ANKRD26: variants seen among roughly 807,000 people sequenced by gnomAD.
The protein encoded by ANKRD26 is ankyrin repeat domain-containing protein 26.
A neutral mutation model predicts 208.7 loss-of-function variants in ANKRD26; 141 were observed. The observed-to-expected ratio is 0.68, with a 90% CI of 0.59 to 0.78. The LOEUF (loss-of-function observed/expected upper bound fraction) is 0.78, where lower values mean the gene tolerates loss of function less well. ANKRD26 is among the 30% of genes least tolerant of loss of function. The pLI is 0.00. For missense variants in ANKRD26, 1,889 were observed against 1,938.7 expected (o/e 0.97, Z 0.48); for synonymous variants, 636 against 660.4 (o/e 0.96, Z 0.57).
chr10:27,050,982 T>C (rs2054634566), intron 16 of ANKRD26: 1 of 1,083,372 alleles, frequency 9.2e-7, no homozygotes, highest in Non-Finnish European at 1.2e-6. Context: ...ACATGAGCTC[T>C]TCATAAGCAG....
At chr10:27,028,194 G>A (rs1212878934) in intron 27 of ANKRD26, among the ~76,000 whole-genome samples, 2 of 152,176 alleles carry the variant, frequency 1.3e-5, no homozygotes, top group African/African-American at 2.4e-5. Context: ...AAACTCTTGA[G>A]TGTGGACAGG....
At chr10:26,952,087 G>A in the ANKRD26 span, among the ~76,000 whole-genome samples, 8 of 152,160 alleles carry the variant, frequency 5.3e-5, no homozygotes, top group Non-Finnish European at 1.0e-4. Flanking sequence ...CCAGATAGCA[G>A]CCTCTTCTTT....
chr10:27,001,824 C>T (rs370467843), downstream of ANKRD26, among the ~76,000 whole-genome samples: 11 of 152,162 alleles, frequency 7.2e-5, no homozygotes, highest in Admixed American at 5.2e-4. Flanking sequence ...CTCGATTTTT[C>T]AGGCTGCTCC....
intron 1 of ANKRD26, among the ~76,000 whole-genome samples, chr10:27,094,857 A>G (rs1408968166): frequency 1.3e-5 from 2 of 152,136 alleles, no homozygotes; most frequent in African/African-American, 4.8e-5. Flanking sequence ...AAAAGTAGCC[A>G]GGCATGGTGG....
chr10:27,022,700 A>G lies in ANKRD26; in HGVS notation c.4086-13T>C. 6.3e-7 allele frequency: 1 copy of G among 1,576,666 alleles called. No homozygotes were observed. Among genetic ancestry groups the G allele is most frequent in the Non-Finnish European group, 8.7e-7 (1 of 1,154,312 alleles). ...GAGGTTCTTAAATCTGCAGGAAGGTACAAAATGAGTAACTCAAGTTTTAAA... is the reference window on the plus strand; with the variant it reads ...GAGGTTCTTAAATCTGCAGGAAGGTGCAAAATGAGTAACTCAAGTTTTAAA... On this transcript the variant is annotated splice_polypyrimidine_tract_variant and intron_variant, in intron 28 of 33. Coordinates refer to ENST00000376087, the MANE Select transcript of ANKRD26 (RefSeq NM_014915.3).
chr10:27,035,174 CAA>C lies in ANKRD26; in HGVS notation c.3274_3275del (p.Leu1092GlyfsTer26). The C allele has an allele frequency of 6.2e-7, 1 of 1,613,980 alleles. No homozygotes were observed. Among genetic ancestry groups the C allele is most frequent in the Non-Finnish European group, 8.5e-7 (1 of 1,179,930 alleles). ...GGTCCTTTTGTACCCGTTCTAAACC[CAA>C]AGTCTTTTCTCTGAGGGCATCTCTC... ...HTRDALREKT[L>X]GLERVQKDLS... is the part of the protein sequence containing the mutation. On this transcript the variant is annotated frameshift_variant, in exon 24 of 34. Coordinates refer to ENST00000376087, the MANE Select transcript of ANKRD26 (RefSeq NM_014915.3). LOFTEE classifies it high-confidence loss of function.
downstream of ANKRD26, among the ~76,000 whole-genome samples, chr10:27,001,037 A>G (rs2052712468): frequency 6.6e-6 from 1 of 152,174 alleles, no homozygotes; most frequent in Admixed American, 6.5e-5. Flanking sequence ...AACAAAAGAC[A>G]GAATAACTCA....
At chr10:27,051,118 C>G in intron 16 of ANKRD26, 1 of 1,289,662 alleles carries the variant, frequency 7.8e-7, no homozygotes, top group Non-Finnish European at 1.0e-6. Flanking sequence ...TTTAACATGC[C>G]TATCTCATTT....
chr10:26,952,213 C>T, the ANKRD26 span, among the ~76,000 whole-genome samples: 4 of 152,000 alleles, frequency 2.6e-5, no homozygotes, highest in East Asian at 3.9e-4. Context: ...CCCCCATTGA[C>T]GCTGCCTCCT....
At chr10:27,031,775 T>G (rs1445635428) in intron 25 of ANKRD26, among the ~76,000 whole-genome samples, 1 of 152,218 alleles carries the variant, frequency 6.6e-6, no homozygotes, top group Non-Finnish European at 1.5e-5. Context: ...CTAGTTTAGA[T>G]GTACATGCTA....
chr10:26,951,701 C>T, the ANKRD26 span, among the ~76,000 whole-genome samples: 1 of 152,098 alleles, frequency 6.6e-6, no homozygotes, highest in Non-Finnish European at 1.5e-5. Flanking sequence ...AGTGGTTTTG[C>T]TGTTGTATGC....
downstream of ANKRD26, among the ~76,000 whole-genome samples, chr10:27,000,001 G>C (rs151298486): frequency 8.9e-4 from 135 of 152,196 alleles, 2 homozygotes; most frequent in East Asian, 0.02. Flanking sequence ...TCCCAGCTCA[G>C]CTCCTTACCT....
the ANKRD26 span, among the ~76,000 whole-genome samples, chr10:26,967,932 ATGTTTCTGCC>A: frequency 1.3e-5 from 2 of 152,118 alleles, no homozygotes; most frequent in Non-Finnish European, 2.9e-5. Context: ...CTCCAACTTG[ATGTTTCTGCC>A]TCCAGCCTTG....
chr10:27,047,192 A>G (rs1044093957), intron 17 of ANKRD26, among the ~76,000 whole-genome samples: 5 of 152,240 alleles, frequency 3.3e-5, no homozygotes, highest in Non-Finnish European at 5.9e-5. Flanking sequence ...TAAAAATAGC[A>G]TGATACACAT....
chr10:27,080,896 C>A (rs1425538971), intron 6 of ANKRD26: 1 of 985,266 alleles, frequency 1.0e-6, no homozygotes, highest in African/African-American at 1.7e-5. Context: ...CCCTGCCCTA[C>A]CCTACATGTC....
intron 5 of ANKRD26, among the ~76,000 whole-genome samples, chr10:26,978,454 T>G (rs1348034363): frequency 6.6e-6 from 1 of 152,014 alleles, no homozygotes; most frequent in Non-Finnish European, 1.5e-5. Flanking sequence ...AGACCCTATC[T>G]CAAAAAATAA....
intron 4 of ANKRD26, among the ~76,000 whole-genome samples, chr10:26,982,432 C>T (rs1236621098): frequency 6.6e-6 from 1 of 152,048 alleles, no homozygotes; most frequent in Non-Finnish European, 1.5e-5. Flanking sequence ...CCTTTTCATA[C>T]TTAAAATCAT....
intron 12 of ANKRD26, among the ~76,000 whole-genome samples, chr10:27,061,581 A>G (rs1299668130): frequency 8.6e-6 from 1 of 116,280 alleles, no homozygotes; most frequent in Non-Finnish European, 1.7e-5. Context: ...TTTTTTTGAT[A>G]CAGAGTCTCA....
chr10:27,061,175 T>G lies in ANKRD26; in HGVS notation c.1431A>C (p.Thr477=), dbSNP rs200579726. 2.4e-5 allele frequency: 38 copies of G among 1,612,732 alleles called. No individual in the cohort carries two copies. The Admixed American group carries it at 6.3e-4, about 27-fold the overall frequency. The change falls in exon 13 of 34, where the codon ACA becomes ACC. Residue 477 remains threonine, a synonymous_variant. Coordinates refer to ENST00000376087, the MANE Select transcript of ANKRD26 (RefSeq NM_014915.3). ...GGGCTACTGGCATGCCTACATTTCT[T>G]GTATCCTCTAGTTTAGCCATCTTAA... ...RNFKMAKLED[T]RNVGMPVAHM...
Sources: allele counts gnomAD v4.1 joint callset (sites outside exome capture counted in the v4.1 genomes callset), GRCh38; gene constraint gnomAD v4.1.1; transcripts MANE v1.5; gene names NCBI Gene and HGNC (gene_info 2026-07-23, HGNC 2026-07-21).